Variants in UBA6 observed in about 807,000 individuals in gnomAD.
UBA6 encodes the protein ubiquitin like modifier activating enzyme 6.
UBA6 carries 87 observed loss-of-function variants against 148.3 expected under a neutral mutation model. The ratio of observed to expected loss-of-function variants is 0.59; its 90% CI spans 0.49 to 0.70. The LOEUF is 0.70. UBA6 is among the 30% of genes least tolerant of loss of function. The pLI is 0.00. For missense variants in UBA6, 1,186 were observed against 1,241.2 expected (o/e 0.96, Z 0.67); for synonymous variants, 376 against 401.0 (o/e 0.94, Z 0.75).
chr4:67,652,081 G>A (rs1729566216), intron 13 of UBA6, among the ~76,000 whole-genome samples: 1 of 152,042 alleles, frequency 6.6e-6, no homozygotes. Flanking sequence ...GAAGAAAACA[G>A]CTTTTTGACC....
At position 67,681,647 on chromosome 4, in the gene UBA6, G is replaced by A. The variant is rs1043771735; in HGVS notation, c.230-56C>T. On this transcript the variant is annotated intron_variant, in intron 3 of 32. Transcript: ENST00000322244. ...AATATTGGGAATACACACTAGATAT[G>A]TCTTCACAGAGCTTAGTCACATATC... 16 of 1,227,630 alleles carry A rather than the reference G, an allele frequency of 1.3e-5. No homozygotes were observed. The East Asian group carries it at 2.8e-4, about 21-fold the overall frequency. The allele number at this position is 1,227,630 out of a possible 1,614,324, so 76.0% of individuals were successfully genotyped here. A position where few individuals can be genotyped will look rare whatever the true frequency, so the allele number is the denominator to read the frequency against.
intron 27 of UBA6, among the ~76,000 whole-genome samples, chr4:67,627,303 T>C (rs1024544396): frequency 6.6e-6 from 1 of 152,094 alleles, no homozygotes; most frequent in African/African-American, 2.4e-5. Flanking sequence ...TCTGAATGGC[T>C]AGTTGATATT....
chr4:67,681,030 G>A (rs188523629), intron 4 of UBA6, among the ~76,000 whole-genome samples: 9 of 152,256 alleles, frequency 5.9e-5, no homozygotes, highest in African/African-American at 2.2e-4. Flanking sequence ...CTGCAGCCTT[G>A]TAAGAGACTC....
At position 67,673,905 on chromosome 4, in the gene UBA6, T is replaced by A; in HGVS notation, c.466-128A>T. The A allele has an allele frequency of 5.7e-6, 3 of 521,770 alleles. No homozygotes were observed. In the South Asian group the frequency reaches 9.2e-5, roughly 16 times the overall value. 32.3% of individuals were successfully genotyped at this position (521,770 alleles called of 1,614,324 possible). A position where few individuals can be genotyped will look rare whatever the true frequency, so the allele number is the denominator to read the frequency against. ...CGCTAATCTCATTGAAAAGTTATAA[T>A]CCTACGGAATTCCATTCCAAGGTTA... On this transcript the variant is annotated intron_variant, in intron 6 of 32. Transcript: ENST00000322244.
Position 67,625,105 on chromosome 4 carries a change from A to C in UBA6, c.2601T>G (p.Asn867Lys). 6.2e-7 allele frequency: 1 copy of C among 1,613,556 alleles called. No individual in the cohort carries two copies. The highest frequency in any genetic ancestry group is 8.5e-7 in the Non-Finnish European group (1 of 1,179,592). The change falls in exon 29 of 33, where the codon AAT becomes AAG. Residue 867 changes from asparagine (N) to lysine (K), a missense_variant. By Grantham distance (94) the Asn-to-Lys change is moderately conservative. Transcript: ENST00000322244. ...GHIDFITAAS[N>K]LRAKMYSIEP... Reference sequence around the variant, plus strand: ...CAATGCTGTACATTTTGGCACGAAGATTTGATGCAGCTGTGATGAAATCTA... The same window carrying C: ...CAATGCTGTACATTTTGGCACGAAGCTTTGATGCAGCTGTGATGAAATCTA...
At chr4:67,696,933 C>T (rs193169818) in intron 1 of UBA6, among the ~76,000 whole-genome samples, 72 of 152,252 alleles carry the variant, frequency 4.7e-4, no homozygotes, top group African/African-American at 1.7e-3. Flanking sequence ...CTTTTATTCT[C>T]AGATCTCAGG....
chr4:67,679,039 A>G (rs1314443682), intron 4 of UBA6, among the ~76,000 whole-genome samples: 1 of 152,180 alleles, frequency 6.6e-6, no homozygotes, highest in East Asian at 1.9e-4. Context: ...TGGCTTTAAG[A>G]TGATACATCC....
intron 13 of UBA6, among the ~76,000 whole-genome samples, chr4:67,657,206 A>G (rs1729719985): frequency 6.6e-6 from 1 of 152,210 alleles, no homozygotes; most frequent in East Asian, 1.9e-4. Context: ...TGGAACCACA[A>G]AAGAGCCTGC....
At chr4:67,675,373 G>A (rs187679111) in intron 6 of UBA6, among the ~76,000 whole-genome samples, 6 of 151,944 alleles carry the variant, frequency 3.9e-5, no homozygotes, top group African/African-American at 1.4e-4. Context: ...CTTCTTTTAC[G>A]ATTTACTAGT....
chr4:67,685,740 T>C (rs553652611), intron 2 of UBA6, among the ~76,000 whole-genome samples: 2 of 152,260 alleles, frequency 1.3e-5, no homozygotes, highest in African/African-American at 4.8e-5. Flanking sequence ...TTCATTATTG[T>C]GGGAGTGGGT....
At chr4:67,695,339 T>C (rs892780337) in intron 2 of UBA6, among the ~76,000 whole-genome samples, 2 of 152,212 alleles carry the variant, frequency 1.3e-5, no homozygotes, top group Non-Finnish European at 2.9e-5. Context: ...TTTTACACTA[T>C]TTCTTCTGCT....
At chr4:67,671,726 C>T (rs888426673) in intron 7 of UBA6, among the ~76,000 whole-genome samples, 4 of 152,102 alleles carry the variant, frequency 2.6e-5, no homozygotes, top group Non-Finnish European at 5.9e-5. Flanking sequence ...TATGATTTTG[C>T]CTTGGTGCCT....
At chr4:67,683,573 T>C (rs966579097) in intron 2 of UBA6, among the ~76,000 whole-genome samples, 6 of 71,888 alleles carry the variant, frequency 8.3e-5, no homozygotes, top group Non-Finnish European at 1.5e-4. Context: ...TTTTTTGCAA[T>C]TTTTTTTTTT....
At chr4:67,676,275 C>A (rs1261087138) in intron 6 of UBA6, among the ~76,000 whole-genome samples, 3 of 152,108 alleles carry the variant, frequency 2.0e-5, no homozygotes, top group Non-Finnish European at 2.9e-5. Flanking sequence ...CCGCCCACCT[C>A]GGCCTCCCAA....
At position 67,635,488 on chromosome 4, in the gene UBA6, T is replaced by C; in HGVS notation, c.1807A>G (p.Ile603Val). Residue 603 changes from isoleucine to valine, a missense_variant, in exon 20 of 33, where the codon ATT (isoleucine) becomes GTT (valine). Transcript: ENST00000322244. ...TAAGACTCAGTCAAATGCGGTACAA[T>C]AACTTCAGTGTGTCCCTTAGTGCCC... ...TMGTKGHTEV[I>V]VPHLTESYNS... 1 of 1,611,312 alleles carries C rather than the reference T, an allele frequency of 6.2e-7. No homozygotes were observed. Among genetic ancestry groups the C allele is most frequent in the South Asian group, 1.1e-5 (1 of 90,976 alleles).
At chr4:67,652,239 C>T (rs1729569668) in intron 13 of UBA6, among the ~76,000 whole-genome samples, 1 of 152,070 alleles carries the variant, frequency 6.6e-6, no homozygotes, top group African/African-American at 2.4e-5. Context: ...TATAAAAACC[C>T]TCTCAACCAA....
chr4:67,623,121 C>A lies in UBA6; in HGVS notation c.2928+14G>T, dbSNP rs927640592. The A allele has an allele frequency of 2.2e-5, 35 of 1,594,574 alleles. No homozygotes were observed. Among genetic ancestry groups the A allele is most frequent in the Non-Finnish European group, 3.0e-5 (35 of 1,166,034 alleles). ...TAAAGCTACTAATGAACTAAATGAA[C>A]AAAAGTATCTCACTTTGACTGCATT... On this transcript the variant is annotated intron_variant, in intron 31 of 32. Coordinates refer to ENST00000322244, the MANE Select transcript of UBA6 (RefSeq NM_018227.6).
chr4:67,688,317 A>G (rs1199509240), intron 2 of UBA6, among the ~76,000 whole-genome samples: 1 of 152,184 alleles, frequency 6.6e-6, no homozygotes, highest in East Asian at 1.9e-4. Flanking sequence ...GGACTCATTC[A>G]TTTCTTCAGA....
chr4:67,696,293 C>A (rs1207552194), intron 2 of UBA6, among the ~76,000 whole-genome samples: 2 of 151,900 alleles, frequency 1.3e-5, no homozygotes. Context: ...AGTCCTATCA[C>A]CTAAACCTAA....
Sources: gnomAD v4.1 joint callset for allele counts (sites outside exome capture counted in the v4.1 genomes callset) on GRCh38, gnomAD v4.1.1 for gene constraint, MANE v1.5 for transcripts, NCBI Gene and HGNC (gene_info 2026-07-23, HGNC 2026-07-21) for gene names.